KIZ: variants seen among roughly 807,000 people sequenced by gnomAD.
KIZ encodes the protein centrosomal protein kizuna.
KIZ carries 68 observed loss-of-function variants against 79.6 expected under a neutral mutation model. The ratio of observed to expected loss-of-function variants is 0.85; its 90% CI spans 0.70 to 1.05. KIZ has a LOEUF of 1.05. Among genes scored for constraint, KIZ ranks in the 50% least tolerant of loss-of-function variants. The pLI is 0.00. For missense variants in KIZ, 797 were observed against 800.4 expected, an observed-to-expected ratio of 1.00 and a Z score of 0.05; for synonymous variants, 280 against 281.8, an observed-to-expected ratio of 0.99 and a Z score of 0.06.
Position 21,132,877 on chromosome 20 carries a change from A to G in KIZ, c.152+718A>G, listed in dbSNP as rs964294455. 9.8e-5 allele frequency: 15 copies of G among 152,378 alleles called. No homozygotes were observed. In the South Asian group the frequency reaches 1.0e-3, roughly 11 times the overall value. 9.4% of individuals were successfully genotyped at this position (152,378 alleles called of 1,614,324 possible). A position where few individuals can be genotyped will look rare whatever the true frequency, so the allele number is the denominator to read the frequency against. On this transcript the variant is annotated intron_variant, in intron 2 of 12. Coordinates refer to ENST00000619189, the MANE Select transcript of KIZ (RefSeq NM_018474.6). ...ACTACTGTAGGCAGGATTACCTGGT[A>G]TCTCATTTGTTCATGGATATATGAG... is the stretch of plus-strand genomic sequence containing the variant.
At chr20:21,130,274 T>C (rs888593043) in intron 1 of KIZ, among the ~76,000 whole-genome samples, 9 of 152,360 alleles carry the variant, frequency 5.9e-5, no homozygotes, top group Non-Finnish European at 1.3e-4. Context: ...ACCCTCAAGC[T>C]GAGTCTATCT....
intron 5 of KIZ, 121 bp downstream of exon 5, chr20:21,162,628 C>G: frequency 8.3e-6 from 7 of 839,912 alleles, no homozygotes; most frequent in Non-Finnish European, 1.3e-5. Context: ...AAATTCCATT[C>G]TAATGAACTC....
At position 21,171,463 on chromosome 20, in the gene KIZ, G is replaced by T. The variant is rs560376660; in HGVS notation, c.1352+8304G>T. Reference sequence around the variant, plus strand: ...TTAAATGTATTTTGTTTGTTTGTTTGTGACAGGGTCACACTCTGTTGCCCA... The same window carrying T: ...TTAAATGTATTTTGTTTGTTTGTTTTTGACAGGGTCACACTCTGTTGCCCA... On this transcript the variant is annotated intron_variant, in intron 6 of 12. Transcript: ENST00000619189. Among the ~76,000 whole-genome samples, 29 of 152,204 alleles carry T rather than the reference G, an allele frequency of 1.9e-4. No individual in the cohort carries two copies. The South Asian group carries it at 5.8e-3, about 30-fold the overall frequency.
chr20:21,204,224 T>G (rs1453714863), intron 6 of KIZ, among the ~76,000 whole-genome samples: 3 of 140,348 alleles, frequency 2.1e-5, no homozygotes, highest in Non-Finnish European at 4.6e-5. Context: ...CACGCCATTC[T>G]CCTGCCTCAG....
chr20:21,237,366 G>A (rs1406227098), intron 11 of KIZ, among the ~76,000 whole-genome samples: 1 of 151,110 alleles, frequency 6.6e-6, no homozygotes. Context: ...ACTAACATTA[G>A]GTTTTCCCTC....
intron 4 of KIZ, among the ~76,000 whole-genome samples, chr20:21,159,111 G>A (rs1375093395): frequency 6.6e-6 from 1 of 151,552 alleles, no homozygotes; most frequent in African/African-American, 2.4e-5. Context: ...GGGTTCAAGC[G>A]ATTCTCCTGC....
chr20:21,223,564 T>G (rs907735307), intron 9 of KIZ, among the ~76,000 whole-genome samples: 1 of 152,126 alleles, frequency 6.6e-6, no homozygotes, highest in African/African-American at 2.4e-5. Context: ...CAAACTTGTG[T>G]ATCTTCCTGC....
At chr20:21,140,916 G>A (rs2032484172) in intron 3 of KIZ, among the ~76,000 whole-genome samples, 2 of 151,934 alleles carry the variant, frequency 1.3e-5, no homozygotes, top group Non-Finnish European at 2.9e-5. Flanking sequence ...AGATGGGGGG[G>A]GATCATTTGA....
intron 6 of KIZ, among the ~76,000 whole-genome samples, chr20:21,176,141 C>G (rs1156304679): frequency 1.3e-5 from 2 of 152,170 alleles, no homozygotes; most frequent in African/African-American, 4.8e-5. Context: ...AAAACCCTGT[C>G]TCTACTAAAA....
chr20:21,209,738 A>C (rs1364766075), intron 7 of KIZ, among the ~76,000 whole-genome samples: 1 of 152,272 alleles, frequency 6.6e-6, no homozygotes, highest in African/African-American at 2.4e-5. Flanking sequence ...TCTGCATATT[A>C]GGGGAAAATA....
At chr20:21,238,350 A>AGTGT (rs1423366763) in intron 11 of KIZ, among the ~76,000 whole-genome samples, 579 of 79,392 alleles carry the variant, frequency 7.3e-3, no homozygotes, top group Non-Finnish European at 0.011. Flanking sequence ...AGAGAGAGAG[A>AGTGT]GAGTGTGTGT....
intron 3 of KIZ, among the ~76,000 whole-genome samples, chr20:21,138,216 A>G (rs1326786118): frequency 6.6e-6 from 1 of 152,138 alleles, no homozygotes; most frequent in Non-Finnish European, 1.5e-5. Flanking sequence ...TTTTAATCTA[A>G]TTTAGTCTCC....
At chr20:21,126,000 C>G (rs1052549576), upstream of KIZ, 7 of 1,323,904 alleles carry the variant, frequency 5.3e-6, no homozygotes, top group Admixed American at 4.0e-5. Context: ...TGCCCCGCCT[C>G]CTGCAGGCGG....
chr20:21,141,831 T>A (rs912131813), intron 3 of KIZ, among the ~76,000 whole-genome samples: 129 of 145,606 alleles, frequency 8.9e-4, no homozygotes, highest in African/African-American at 2.0e-3. Context: ...ACACTCTCTC[T>A]CTCTCTCTCT....
intron 6 of KIZ, among the ~76,000 whole-genome samples, chr20:21,168,019 C>T (rs1472465718): frequency 3.3e-5 from 5 of 152,118 alleles, no homozygotes; most frequent in Non-Finnish European, 7.3e-5. Flanking sequence ...GTGCTTCACC[C>T]AGTAACTCGT....
intron 11 of KIZ, among the ~76,000 whole-genome samples, chr20:21,236,378 C>A (rs770197625): frequency 5.9e-5 from 9 of 152,122 alleles, no homozygotes; most frequent in Non-Finnish European, 7.4e-5. Flanking sequence ...TTTTGAGGAA[C>A]GTTCAAGCTG....
Position 21,166,511 on chromosome 20 carries a change from G to A in KIZ, c.1352+3352G>A, listed in dbSNP as rs1302846163. On this transcript the variant is annotated intron_variant, in intron 6 of 12. Coordinates refer to ENST00000619189, the MANE Select transcript of KIZ (RefSeq NM_018474.6). Reference sequence around the variant, plus strand: ...AAACCGGACGATGACTTTGGAGCACGGCCTAATAAGCACCTGGCGTTTGCC... The same window carrying A: ...AAACCGGACGATGACTTTGGAGCACAGCCTAATAAGCACCTGGCGTTTGCC... The A allele has an allele frequency of 5.8e-6, 9 of 1,550,588 alleles. No homozygotes were observed. The African/African-American group carries it at 8.2e-5, about 14-fold the overall frequency.
intron 6 of KIZ, among the ~76,000 whole-genome samples, chr20:21,170,053 A>G (rs1308696085): frequency 2.0e-5 from 3 of 152,116 alleles, no homozygotes; most frequent in Non-Finnish European, 4.4e-5. Flanking sequence ...TTTTGTGTGG[A>G]CATGTTTTCA....
At chr20:21,145,519 A>G in intron 3 of KIZ, 46 bp from the exon 4 acceptor site, 1 of 885,580 alleles carries the variant, frequency 1.1e-6, no homozygotes, top group South Asian at 1.6e-5. Flanking sequence ...GACAGGTGCT[A>G]GTTGTAAAAA....
Sources: gnomAD v4.1 joint callset for allele counts (sites outside exome capture counted in the v4.1 genomes callset) on GRCh38, gnomAD v4.1.1 for gene constraint, MANE v1.5 for transcripts, NCBI Gene and HGNC (gene_info 2026-07-23, HGNC 2026-07-21) for gene names.